Variants in TUSC3 observed in about 807,000 individuals in gnomAD.
TUSC3 encodes tumor suppressor candidate 3.
Under a neutral mutation model 44.8 loss-of-function variants are expected in TUSC3, and 45 were observed. The ratio of observed to expected loss-of-function variants is 1.00; its 90% CI spans 0.79 to 1.29. The LOEUF (loss-of-function observed/expected upper bound fraction) is 1.29. Among genes scored for constraint, TUSC3 ranks in the 50% most tolerant of loss-of-function variants. The pLI, the probability that TUSC3 is intolerant of heterozygous loss-of-function variation, is 0.00. For missense variants in TUSC3, 519 were observed against 437.9 expected (o/e 1.19, Z -1.65); for synonymous variants, 212 against 152.9 (o/e 1.39, Z -2.85).
At chr8:15,778,253 C>T in the TUSC3 span, among the ~76,000 whole-genome samples, 97,510 of 151,974 alleles carry the variant, frequency 0.64, 32,323 homozygotes, top group African/African-American at 0.79. Flanking sequence ...CTGAAAACTG[C>T]AATTCATACT....
intron 3 of TUSC3, 125 bp downstream of exon 3, chr8:15,650,939 G>T (rs1217199269): frequency 4.4e-6 from 4 of 911,744 alleles, no homozygotes; most frequent in Non-Finnish European, 5.3e-6. Flanking sequence ...GCAGTGAGCC[G>T]AGATTGTGCC....
At chr8:15,569,223 A>G (rs1463816934) in intron 1 of TUSC3, among the ~76,000 whole-genome samples, 1 of 152,188 alleles carries the variant, frequency 6.6e-6, no homozygotes, top group East Asian at 1.9e-4. Context: ...ACTGTAAGAT[A>G]GATAAGCTAC....
chr8:15,639,573 A>G (rs141874067), intron 2 of TUSC3, among the ~76,000 whole-genome samples: 1 of 152,342 alleles, frequency 6.6e-6, no homozygotes, highest in African/African-American at 2.4e-5. Flanking sequence ...GCATTTAAAG[A>G]TAAAACTTTC....
At chr8:15,524,517 A>G (rs974261651) in intron 2 of TUSC3, among the ~76,000 whole-genome samples, 1 of 152,210 alleles carries the variant, frequency 6.6e-6, no homozygotes, top group African/African-American at 2.4e-5. Context: ...TCTTAAATAA[A>G]TAATAGACCA....
chr8:15,570,293 C>CACACACACAT (rs1802826285), intron 1 of TUSC3, among the ~76,000 whole-genome samples: 1 of 150,692 alleles, frequency 6.6e-6, no homozygotes, highest in Non-Finnish European at 1.5e-5. Context: ...CACACACACA[C>CACACACACAT]ACACACACAC....
chr8:15,678,165 G>A (rs1808270374), intron 6 of TUSC3, among the ~76,000 whole-genome samples: 1 of 152,114 alleles, frequency 6.6e-6, no homozygotes, highest in Non-Finnish European at 1.5e-5. Context: ...AGGGAGCTGA[G>A]GTATATATAC....
At chr8:15,439,843 A>G (rs536287992) in intron 1 of TUSC3, among the ~76,000 whole-genome samples, 1 of 152,306 alleles carries the variant, frequency 6.6e-6, no homozygotes, top group Non-Finnish European at 1.5e-5. Flanking sequence ...GTCTACTCCA[A>G]GTACATTCAG....
the TUSC3 span, among the ~76,000 whole-genome samples, chr8:15,792,172 T>C: frequency 6.6e-6 from 1 of 151,526 alleles, no homozygotes; most frequent in East Asian, 2.0e-4. Context: ...ATGGAAGTAA[T>C]AATTTATTTA....
At chr8:15,526,223 C>G (rs1241247087) in intron 2 of TUSC3, among the ~76,000 whole-genome samples, 1 of 151,962 alleles carries the variant, frequency 6.6e-6, no homozygotes, top group Non-Finnish European at 1.5e-5. Context: ...TTAGTAGAGA[C>G]GGGGTTTTAT....
rs75252997 is a variant in TUSC3 at position 15,437,097 on chromosome 8, A to G, written n.91+19792A>G. 1.7e-4 allele frequency among the ~76,000 whole-genome samples: 26 copies of G among 152,298 alleles called. No individual in the cohort carries two copies. The East Asian group carries it at 4.6e-3, about 27-fold the overall frequency. Reference sequence around the variant, plus strand: ...AATTAGTCTTTTGAGTCAAATTAAGATATCTCTAAAACTGCAGAGACCTGA... The same window carrying G: ...AATTAGTCTTTTGAGTCAAATTAAGGTATCTCTAAAACTGCAGAGACCTGA... On this transcript the variant is annotated intron_variant and non_coding_transcript_variant, in intron 1 of 5. Transcript: ENST00000503191.
At chr8:15,566,888 C>T (rs1392556309) in intron 1 of TUSC3, among the ~76,000 whole-genome samples, 3 of 152,102 alleles carry the variant, frequency 2.0e-5, no homozygotes, top group African/African-American at 2.4e-5. Flanking sequence ...CGGCTTCGGC[C>T]TCCCAAACCA....
At chr8:15,772,368 G>A in the TUSC3 span, among the ~76,000 whole-genome samples, 110 of 152,124 alleles carry the variant, frequency 7.2e-4, no homozygotes, top group African/African-American at 2.5e-3. Flanking sequence ...CCCACCTTGC[G>A]GAAATAAAAA....
chr8:15,752,828 A>G (rs1811763746), intron 9 of TUSC3, among the ~76,000 whole-genome samples: 1 of 152,162 alleles, frequency 6.6e-6, no homozygotes, highest in Non-Finnish European at 1.5e-5. Context: ...TCTAAGAAAA[A>G]TGTTGACAAT....
intron 1 of TUSC3, among the ~76,000 whole-genome samples, chr8:15,451,021 G>A (rs1218242365): frequency 1.3e-5 from 2 of 152,104 alleles, no homozygotes; most frequent in Non-Finnish European, 2.9e-5. Flanking sequence ...TTCCAGAAAG[G>A]AAACTTCACA....
At chr8:15,639,245 G>T (rs996172994) in intron 2 of TUSC3, among the ~76,000 whole-genome samples, 4 of 148,596 alleles carry the variant, frequency 2.7e-5, no homozygotes, top group African/African-American at 7.4e-5. Context: ...CAGCGCTTCA[G>T]TGATGATCAT....
chr8:15,672,488 A>G (rs946245615), intron 5 of TUSC3, among the ~76,000 whole-genome samples: 2 of 152,052 alleles, frequency 1.3e-5, no homozygotes, highest in African/African-American at 4.8e-5. Flanking sequence ...GCCCAAAGCA[A>G]TGGACTTGCT....
intron 1 of TUSC3, among the ~76,000 whole-genome samples, chr8:15,574,052 G>C (rs1330944514): frequency 6.6e-6 from 1 of 151,924 alleles, no homozygotes; most frequent in Non-Finnish European, 1.5e-5. Flanking sequence ...AGACTTTTTT[G>C]TTTGAATCCT....
the TUSC3 span, among the ~76,000 whole-genome samples, chr8:15,815,584 C>T: frequency 6.6e-6 from 1 of 152,062 alleles, no homozygotes. Flanking sequence ...GTAATTAGAC[C>T]TGGAAACAGA....
At chr8:15,661,966 G>A (rs1421816075) in intron 4 of TUSC3, among the ~76,000 whole-genome samples, 190 bp from the exon 5 acceptor site, 1 of 151,892 alleles carries the variant, frequency 6.6e-6, no homozygotes, top group Middle Eastern at 3.2e-3. Flanking sequence ...GTGCAAAGTC[G>A]TTTTACATAG....
Sources: allele counts gnomAD v4.1 joint callset (sites outside exome capture counted in the v4.1 genomes callset), GRCh38; gene constraint gnomAD v4.1.1; transcripts MANE v1.5; gene names NCBI Gene and HGNC (gene_info 2026-07-23, HGNC 2026-07-21).